DAB2IP: variants seen among roughly 807,000 people sequenced by gnomAD.
The protein encoded by DAB2IP is disabled homolog 2-interacting protein.
Under a neutral mutation model 107.2 loss-of-function variants are expected in DAB2IP, and 28 were observed. The ratio of observed to expected loss-of-function variants is 0.26; its 90% confidence interval spans 0.19 to 0.36. DAB2IP has a LOEUF of 0.36. Ranked by LOEUF, DAB2IP falls within the 10% of genes least tolerant of loss-of-function variation. DAB2IP has a pLI of 1.00. For missense variants in DAB2IP, 1,400 were observed against 1,644.7 expected (o/e 0.85, Z 2.57); for synonymous variants, 755 against 706.4 (o/e 1.07, Z -1.09).
intron 12 of DAB2IP, among the ~76,000 whole-genome samples, chr9:121,773,862 C>G (rs1487964820): frequency 6.6e-6 from 1 of 152,240 alleles, no homozygotes; most frequent in African/African-American, 2.4e-5. Flanking sequence ...GACAGGCCTT[C>G]AGGCACAACC....
intron 1 of DAB2IP, among the ~76,000 whole-genome samples, chr9:121,625,513 C>T (rs1423562547): frequency 2.0e-5 from 3 of 152,092 alleles, no homozygotes; most frequent in Admixed American, 1.3e-4. Flanking sequence ...CTGCCTGCCC[C>T]GGCCTCCCAG....
chr9:121,645,722 A>C (rs1331986855), intron 1 of DAB2IP, among the ~76,000 whole-genome samples: 1 of 152,186 alleles, frequency 6.6e-6, no homozygotes, highest in East Asian at 1.9e-4. Flanking sequence ...TGAGGGCCTC[A>C]GCTTCCCCCG....
intron 3 of DAB2IP, among the ~76,000 whole-genome samples, chr9:121,700,136 C>G (rs1252648413): frequency 3.9e-5 from 6 of 152,214 alleles, no homozygotes; most frequent in Non-Finnish European, 8.8e-5. Context: ...TCTCCACTCT[C>G]AGGGGTGTCT....
chr9:121,746,589 G>A (rs1242121010), intron 3 of DAB2IP, among the ~76,000 whole-genome samples: 2 of 152,202 alleles, frequency 1.3e-5, no homozygotes, highest in African/African-American at 2.4e-5. Context: ...AGGAAGTAAC[G>A]TGGCATGGCG....
chr9:121,587,940 T>C (rs1830342765), intron 1 of DAB2IP, among the ~76,000 whole-genome samples: 1 of 152,216 alleles, frequency 6.6e-6, no homozygotes, highest in South Asian at 2.1e-4. Flanking sequence ...GCATCTTGTA[T>C]TTCATCTGGC....
chr9:121,783,049 C>T, exon 16 of DAB2IP: 1 of 1,032,628 alleles, frequency 9.7e-7, no homozygotes, highest in South Asian at 3.9e-5. Context: ...TGTCCCCTGC[C>T]TGTCTCCATC....
At chr9:121,631,230 C>T (rs1352368656) in intron 1 of DAB2IP, among the ~76,000 whole-genome samples, 2 of 152,218 alleles carry the variant, frequency 1.3e-5, no homozygotes, top group African/African-American at 4.8e-5. Context: ...GACAGCTGAA[C>T]AGCTCCCTGC....
At chr9:121,766,823 G>A in intron 9 of DAB2IP, 93 bp downstream of exon 9, 1 of 1,295,282 alleles carries the variant, frequency 7.7e-7, no homozygotes. Flanking sequence ...GCTGAGCAGA[G>A]ACCATAAACA....
intron 1 of DAB2IP, among the ~76,000 whole-genome samples, chr9:121,609,108 T>C (rs1830993557): frequency 6.6e-6 from 1 of 152,082 alleles, no homozygotes; most frequent in African/African-American, 2.4e-5. Context: ...CGGCCAGCTA[T>C]TTTTTTGTGT....
At chr9:121,610,283 T>C (rs768276226) in intron 1 of DAB2IP, among the ~76,000 whole-genome samples, 121 of 152,176 alleles carry the variant, frequency 8.0e-4, no homozygotes, top group Non-Finnish European at 1.4e-3. Context: ...TGTGTGACCC[T>C]GAGTACGGTG....
Position 121,736,843 on chromosome 9 carries a change from A to C in DAB2IP, c.363-20170A>C, listed in dbSNP as rs1831964880. Among the ~76,000 whole-genome samples, 1 of 152,246 alleles carries C rather than the reference A, an allele frequency of 6.6e-6. No homozygotes were observed. The highest frequency in any genetic ancestry group is 2.4e-5 in the African/African-American group (1 of 41,478). On this transcript the variant is annotated intron_variant, in intron 3 of 15. Coordinates refer to ENST00000408936, the Ensembl canonical transcript of DAB2IP. This position sits in a 1 kb window ranked among gnomAD's most constrained non-coding sequence, Gnocchi z 4.6. The stretch of plus-strand genomic sequence containing the variant: ...GTGTGCTGGGCTTACCGGGGCGTGC[A>C]GGTCCCTGTTCTCGTGGACCGGACA...
At chr9:121,645,994 C>T (rs536338438) in intron 1 of DAB2IP, among the ~76,000 whole-genome samples, 25 of 152,272 alleles carry the variant, frequency 1.6e-4, no homozygotes, top group African/African-American at 5.1e-4. Context: ...GTGACCCCCT[C>T]TTAGAGTTCC....
intron 1 of DAB2IP, among the ~76,000 whole-genome samples, chr9:121,669,260 T>C (rs1030219036): frequency 3.9e-5 from 6 of 152,154 alleles, no homozygotes; most frequent in Non-Finnish European, 8.8e-5. Context: ...GAAATAATTA[T>C]AGATTGACAA....
chr9:121,700,443 G>GC (rs1829711975), intron 3 of DAB2IP, among the ~76,000 whole-genome samples: 2 of 152,204 alleles, frequency 1.3e-5, no homozygotes, highest in Non-Finnish European at 2.9e-5. Flanking sequence ...ACATGTCCCT[G>GC]CCCAGCCTGT....
intron 3 of DAB2IP, among the ~76,000 whole-genome samples, chr9:121,754,853 C>G (rs1394843010): frequency 6.6e-6 from 1 of 152,172 alleles, no homozygotes; most frequent in Non-Finnish European, 1.5e-5. Context: ...TTCATGCGCC[C>G]CAGGCAGGAG....
intron 2 of DAB2IP, among the ~76,000 whole-genome samples, chr9:121,694,830 T>TG (rs890058802): frequency 1.2e-4 from 18 of 151,968 alleles, no homozygotes; most frequent in South Asian, 2.1e-4. Flanking sequence ...GGGAATGAGC[T>TG]GGGGGGGTGG....
At chr9:121,580,170 G>C (rs1830158898) in intron 1 of DAB2IP, among the ~76,000 whole-genome samples, 1 of 152,170 alleles carries the variant, frequency 6.6e-6, no homozygotes, top group Non-Finnish European at 1.5e-5. Flanking sequence ...CCTGGTCTTT[G>C]CTCCCTGCCC....
intron 3 of DAB2IP, among the ~76,000 whole-genome samples, chr9:121,709,573 G>C (rs1010287048): frequency 2.0e-5 from 3 of 152,208 alleles, no homozygotes; most frequent in Admixed American, 1.3e-4. Context: ...AAGTGGCAGA[G>C]CTGGGTTTCA....
chr9:121,649,998 G>T (rs573234692), upstream of DAB2IP, among the ~76,000 whole-genome samples: 383 of 152,316 alleles, frequency 2.5e-3, 2 homozygotes, highest in African/African-American at 8.2e-3. Context: ...AGGTTTTTTT[G>T]TGTGTGTGGT....
Sources: allele counts gnomAD v4.1 joint callset (sites outside exome capture counted in the v4.1 genomes callset), GRCh38; gene constraint gnomAD v4.1.1; non-coding constraint Gnocchi (gnomAD v3.1); transcripts MANE v1.5; gene names NCBI Gene and HGNC (gene_info 2026-07-23, HGNC 2026-07-21).